POU2F3: variants seen among roughly 807,000 people sequenced by gnomAD.
POU2F3 encodes the protein POU domain, class 2, transcription factor 3.
A neutral mutation model predicts 59.2 loss-of-function variants in POU2F3; 23 were observed. The observed-to-expected ratio is 0.39, with a 90% CI of 0.28 to 0.55. The LOEUF is 0.55. Among genes scored for constraint, POU2F3 ranks in the 20% least tolerant of loss-of-function variants. The pLI, the probability that POU2F3 is intolerant of heterozygous loss-of-function variation, is 0.66. For synonymous variants in POU2F3, 190 were observed against 214.6 expected (o/e 0.89, Z 1.00); for missense variants, 473 against 544.5 (o/e 0.87, Z 1.31).
At chr11:120,268,817 T>C (rs1565365713) in intron 2 of POU2F3, among the ~76,000 whole-genome samples, 1 of 152,172 alleles carries the variant, frequency 6.6e-6, no homozygotes, top group Non-Finnish European at 1.5e-5. Context: ...TCCTTTGGGA[T>C]CCATGCTGGT....
intron 1 of POU2F3, among the ~76,000 whole-genome samples, chr11:120,241,842 G>T (rs1460090746): frequency 6.6e-6 from 1 of 152,126 alleles, no homozygotes; most frequent in Admixed American, 6.5e-5. Context: ...CAGGGAGGCA[G>T]CCTGGGGCCT....
rs10892554 is a variant in POU2F3 at position 120,258,434 on chromosome 11, G to C, written c.98-10776G>C. ...TTTTGTCCCTGAGTTGCCATTTGCTGGTCGCATGACTTTTAGCACATGGCT... is the reference window on the plus strand; with the variant it reads ...TTTTGTCCCTGAGTTGCCATTTGCTCGTCGCATGACTTTTAGCACATGGCT... On this transcript the variant is annotated intron_variant, in intron 2 of 12. Transcript: ENST00000543440. Among the ~76,000 whole-genome samples, 4,463 of 152,220 alleles carry C rather than the reference G, an allele frequency of 0.029. 880 individuals carry two copies. The East Asian group carries it at 0.55, about 19-fold the overall frequency.
intron 9 of POU2F3, 114 bp downstream of exon 9, chr11:120,307,729 C>A: frequency 7.3e-7 from 1 of 1,377,460 alleles, no homozygotes; most frequent in Non-Finnish European, 9.9e-7. Flanking sequence ...TGCTCTGGGA[C>A]ACGATCAGAA....
At chr11:120,238,974 T>C, upstream of POU2F3, among the ~76,000 whole-genome samples, 1 of 152,094 alleles carries the variant, frequency 6.6e-6, no homozygotes. Flanking sequence ...AAGATGCCTT[T>C]CAAGTGTTGG....
intron 11 of POU2F3, 62 bp downstream of exon 11, chr11:120,315,489 A>G: frequency 6.8e-7 from 1 of 1,477,446 alleles, no homozygotes; most frequent in Non-Finnish European, 9.5e-7. Context: ...GGGATATTAG[A>G]ACTGAAAGGT....
chr11:120,254,617 T>G (rs1344363573), intron 2 of POU2F3, among the ~76,000 whole-genome samples: 1 of 152,002 alleles, frequency 6.6e-6, no homozygotes, highest in Non-Finnish European at 1.5e-5. Flanking sequence ...CTCATAGGCT[T>G]TGGTTTGGAG....
intron 3 of POU2F3, among the ~76,000 whole-genome samples, chr11:120,291,617 T>C (rs923797097): frequency 3.3e-5 from 5 of 152,204 alleles, no homozygotes; most frequent in Non-Finnish European, 7.3e-5. Flanking sequence ...TACAGAAATA[T>C]GGAGTCAGAC....
At chr11:120,300,461 G>T (rs1329025925) in intron 5 of POU2F3, among the ~76,000 whole-genome samples, 1 of 152,036 alleles carries the variant, frequency 6.6e-6, no homozygotes, top group Non-Finnish European at 1.5e-5. Context: ...CATCAGCTAG[G>T]GTCAAAAGTG....
Position 120,240,267 on chromosome 11 carries a change from T to A in POU2F3, c.-77T>A. 1 of 1,268,962 alleles carries A rather than the reference T, an allele frequency of 7.9e-7. No individual in the cohort carries two copies. Among genetic ancestry groups the A allele is most frequent in the African/African-American group, 1.5e-5 (1 of 64,818 alleles). The allele number at this position is 1,268,962 out of a possible 1,614,324, so 78.6% of individuals were successfully genotyped here. A position where few individuals can be genotyped will look rare whatever the true frequency, so the allele number is the denominator to read the frequency against. ...GCCGGGAACTGGAGGAAGGAGACCCTGGCTTCGCAGGGGCCCCGGCTGGGG... is the reference window on the plus strand; with the variant it reads ...GCCGGGAACTGGAGGAAGGAGACCCAGGCTTCGCAGGGGCCCCGGCTGGGG... On this transcript the variant is annotated 5_prime_UTR_variant, in exon 1 of 13. Coordinates refer to ENST00000543440, the MANE Select transcript of POU2F3 (RefSeq NM_014352.4).
chr11:120,309,228 T>C (rs897449073), intron 9 of POU2F3, among the ~76,000 whole-genome samples, 197 bp from the exon 10 acceptor site: 2 of 152,194 alleles, frequency 1.3e-5, no homozygotes, highest in African/African-American at 4.8e-5. Flanking sequence ...TCTCATTTCA[T>C]AGATGACAAG....
At chr11:120,280,978 AG>A (rs1306175676) in intron 3 of POU2F3, among the ~76,000 whole-genome samples, 2 of 152,094 alleles carry the variant, frequency 1.3e-5, no homozygotes, top group Non-Finnish European at 2.9e-5. Flanking sequence ...GCCTGCAGGG[AG>A]GGGGCGGGCC....
intron 2 of POU2F3, among the ~76,000 whole-genome samples, chr11:120,257,970 C>T (rs932860260): frequency 7.9e-5 from 12 of 152,204 alleles, no homozygotes; most frequent in African/African-American, 2.9e-4. Flanking sequence ...CTCTTCCAGC[C>T]TCAGTTTCCT....
chr11:120,269,334 C>T, intron 3 of POU2F3, 90 bp downstream of exon 3: 1 of 1,151,614 alleles, frequency 8.7e-7, no homozygotes. Context: ...AGATTAAGTA[C>T]AGTTTGGGGG....
At chr11:120,254,084 C>T (rs867958259) in intron 2 of POU2F3, 2 of 152,236 alleles carry the variant, frequency 1.3e-5, no homozygotes, top group African/African-American at 4.8e-5. Flanking sequence ...TCCCCCAGCC[C>T]CAAGCTGGGA....
At chr11:120,305,389 G>C (rs529543598) in intron 7 of POU2F3, 177 bp downstream of exon 7, 81 of 901,466 alleles carry the variant, frequency 9.0e-5, no homozygotes, top group Admixed American at 4.3e-4. Context: ...TGAGGACGTT[G>C]CTGGTGGAGG....
rs1458399142 is a variant in POU2F3, at chr11:120,315,279, G to A, written c.1069-82G>A. On this transcript the variant is annotated intron_variant, in intron 10 of 12. Coordinates refer to ENST00000543440, the MANE Select transcript of POU2F3 (RefSeq NM_014352.4). The stretch of plus-strand genomic sequence containing the variant: ...CCAAGCCCTGGTCTCTGTAGAGTCT[G>A]GGGCCTACTGTCTTTGGAGAGTGAT... The A allele has an allele frequency of 7.9e-6, 10 of 1,272,338 alleles. No individual in the cohort carries two copies. In the Admixed American group the frequency reaches 1.4e-4, roughly 17 times the overall value. The allele number at this position is 1,272,338 out of a possible 1,614,324, so 78.8% of individuals were successfully genotyped here.
Position 120,305,169 on chromosome 11 carries a change from C to A in POU2F3, c.584C>A (p.Ala195Asp). The change falls in exon 7 of 13, where the codon GCC becomes GAC. Residue 195 changes from alanine (A) to aspartate (D), a missense_variant. Physicochemically the swap from Ala to Asp is moderately radical, Grantham distance 126. Coordinates refer to ENST00000543440, the MANE Select transcript of POU2F3 (RefSeq NM_014352.4). The stretch of plus-strand genomic sequence containing the variant: ...GACCTCGAGGAGCTGGAGAAGTTTG[C>A]CAAGACCTTCAAGCAGAGGCGCATT... ...PSDLEELEKF[A>D]KTFKQRRIKL... The A allele has an allele frequency of 6.2e-7, 1 of 1,613,702 alleles. No homozygotes were observed. The highest frequency in any genetic ancestry group is 8.5e-7 in the Non-Finnish European group (1 of 1,179,948).
At chr11:120,240,518 G>C (rs181016522) in intron 1 of POU2F3, 147 bp downstream of exon 1, 3 of 1,095,560 alleles carry the variant, frequency 2.7e-6, no homozygotes, top group African/African-American at 3.3e-5. Flanking sequence ...CCTGGGGTGG[G>C]TGCCGGTCAG....
At chr11:120,250,931 C>T (rs923878451) in intron 2 of POU2F3, among the ~76,000 whole-genome samples, 5 of 151,692 alleles carry the variant, frequency 3.3e-5, no homozygotes, top group Admixed American at 2.0e-4. Context: ...GAGCCGAGAT[C>T]GCGCCACTGC....
Sources: allele counts gnomAD v4.1 joint callset (sites outside exome capture counted in the v4.1 genomes callset), GRCh38; gene constraint gnomAD v4.1.1; transcripts MANE v1.5; gene names NCBI Gene and HGNC (gene_info 2026-07-23, HGNC 2026-07-21).